The following COL11A1 variants were observed in gnomAD, a reference collection of about 807,000 sequenced individuals.
COL11A1 encodes collagen alpha-1(XI) chain.
In COL11A1, 74 loss-of-function variants were observed where a neutral mutation model predicts 265.2. The observed-to-expected ratio is 0.28, with a 90% CI of 0.23 to 0.34. The LOEUF (loss-of-function observed/expected upper bound fraction) is 0.34. Among genes scored for constraint, COL11A1 ranks in the 10% least tolerant of loss-of-function variants. COL11A1 has a pLI of 1.00. For missense variants in COL11A1, 2,165 were observed against 2,263.6 expected (o/e 0.96, Z 0.88); for synonymous variants, 816 against 727.6 (o/e 1.12, Z -1.96).
chr1:102,936,509 A>G (rs1168366753), intron 44 of COL11A1, among the ~76,000 whole-genome samples: 1 of 152,154 alleles, frequency 6.6e-6, no homozygotes, highest in Non-Finnish European at 1.5e-5. Context: ...AACTGACAGT[A>G]TTTACTGTCA....
At position 102,978,768 on chromosome 1, in the gene COL11A1, G is replaced by A; in HGVS notation, c.2710-16C>T. On this transcript the variant is annotated splice_polypyrimidine_tract_variant and intron_variant, in intron 34 of 66. Coordinates refer to ENST00000370096, the MANE Select transcript of COL11A1 (RefSeq NM_001854.4). ...CTGAAGTGCCCTGGCACCAAGAAAA[G>A]AAAAGAAAAATCAGTTTGAATTCTT... The A allele has an allele frequency of 6.2e-7, 1 of 1,614,076 alleles. No homozygotes were observed. Among genetic ancestry groups the A allele is most frequent in the Non-Finnish European group, 8.5e-7 (1 of 1,179,988 alleles).
intron 41 of COL11A1, among the ~76,000 whole-genome samples, chr1:102,954,671 C>A (rs2101504384): frequency 6.6e-6 from 1 of 152,040 alleles, no homozygotes; most frequent in Admixed American, 6.6e-5. Flanking sequence ...ATAGTGAAAC[C>A]CCGTTTCTAC....
intron 30 of COL11A1, among the ~76,000 whole-genome samples, chr1:102,987,134 G>C (rs777780332): frequency 1.3e-5 from 2 of 151,978 alleles, no homozygotes; most frequent in Non-Finnish European, 2.9e-5. Flanking sequence ...GGAGGGCATA[G>C]AAGACTAGAA....
At chr1:103,001,608 AAAT>A (rs1337974525) in intron 24 of COL11A1, 1 of 457,606 alleles carries the variant, frequency 2.2e-6, no homozygotes, top group Non-Finnish European at 3.8e-6. Context: ...CTTTTTTGTA[AAAT>A]AATGAGAAAG....
At chr1:102,922,252 G>C (rs906502144) in intron 47 of COL11A1, among the ~76,000 whole-genome samples, 1 of 152,130 alleles carries the variant, frequency 6.6e-6, no homozygotes, top group Non-Finnish European at 1.5e-5. Context: ...TAATGCCATG[G>C]TTGAAAAGCT....
At chr1:103,017,977 T>TATAAAA in intron 10 of COL11A1, 95 bp from the exon 11 acceptor site, 2 of 1,034,804 alleles carry the variant, frequency 1.9e-6, no homozygotes, top group Non-Finnish European at 3.0e-6. Flanking sequence ...CGTTTATATT[T>TATAAAA]TATAAATATA....
At chr1:103,041,686 C>T (rs1314852409) in intron 4 of COL11A1, among the ~76,000 whole-genome samples, 1 of 151,558 alleles carries the variant, frequency 6.6e-6, no homozygotes, top group Non-Finnish European at 1.5e-5. Flanking sequence ...AATCAGCATA[C>T]CTTTATTTTT....
At chr1:103,093,728 G>A (rs770880221) in intron 1 of COL11A1, among the ~76,000 whole-genome samples, 18 of 152,182 alleles carry the variant, frequency 1.2e-4, no homozygotes, top group African/African-American at 3.4e-4. Context: ...GTAATAAACC[G>A]CCTTTTAAAG....
intron 4 of COL11A1, among the ~76,000 whole-genome samples, chr1:103,064,243 C>G (rs1670898140): frequency 6.6e-6 from 1 of 152,118 alleles, no homozygotes. Flanking sequence ...TACATGAAAA[C>G]TGCACATAAT....
At chr1:103,088,317 T>C (rs1227707350) in intron 1 of COL11A1, among the ~76,000 whole-genome samples, 1 of 151,736 alleles carries the variant, frequency 6.6e-6, no homozygotes, top group African/African-American at 2.4e-5. Flanking sequence ...ATCAGTACAA[T>C]GAGAATAACA....
At position 103,006,518 on chromosome 1, in the gene COL11A1, A is replaced by C. The variant is rs565974376; in HGVS notation, c.1684-203T>G. ...TCAAATAAATACCTATTTTTTCTAA[A>C]TGGCTCCATTTTTTTTTTTTTTTTT... On this transcript the variant is annotated intron_variant, in intron 15 of 66. Coordinates refer to ENST00000370096, the MANE Select transcript of COL11A1 (RefSeq NM_001854.4). 1.1e-4 allele frequency among the ~76,000 whole-genome samples: 16 copies of C among 142,512 alleles called. No individual in the cohort carries two copies. In the South Asian group the frequency reaches 2.1e-3, roughly 19 times the overall value. The allele number at this position is 142,512 out of a possible 152,430, so 93.5% of individuals were successfully genotyped here. A position where few individuals can be genotyped will look rare whatever the true frequency, so the allele number is the denominator to read the frequency against.
At chr1:103,048,075 G>A (rs962811991) in intron 4 of COL11A1, among the ~76,000 whole-genome samples, 1 of 152,098 alleles carries the variant, frequency 6.6e-6, no homozygotes, top group Non-Finnish European at 1.5e-5. Flanking sequence ...ATTTTTGATT[G>A]TGTCTCTGCC....
At chr1:103,031,570 C>G (rs1169604155) in intron 4 of COL11A1, among the ~76,000 whole-genome samples, 1 of 151,812 alleles carries the variant, frequency 6.6e-6, no homozygotes, top group African/African-American at 2.4e-5. Context: ...GAGCAAAAGG[C>G]TAATTTTAAA....
intron 46 of COL11A1, among the ~76,000 whole-genome samples, chr1:102,925,767 G>C (rs1040453127): frequency 1.3e-5 from 2 of 152,000 alleles, no homozygotes; most frequent in Non-Finnish European, 2.9e-5. Flanking sequence ...TCTTAAACAT[G>C]CATGTATATT....
At chr1:102,944,563 C>T (rs1659056244) in intron 42 of COL11A1, among the ~76,000 whole-genome samples, 1 of 152,122 alleles carries the variant, frequency 6.6e-6, no homozygotes, top group African/African-American at 2.4e-5. Flanking sequence ...ACCAACAAAA[C>T]TCAGGCCTGA....
At chr1:103,074,104 G>C (rs761628249) in intron 4 of COL11A1, among the ~76,000 whole-genome samples, 1 of 151,928 alleles carries the variant, frequency 6.6e-6, no homozygotes, top group Non-Finnish European at 1.5e-5. Context: ...ATCATAATTA[G>C]TGAAATATAA....
chr1:102,882,259 A>C (rs1366832672), intron 64 of COL11A1, among the ~76,000 whole-genome samples: 1 of 152,212 alleles, frequency 6.6e-6, no homozygotes, highest in African/African-American at 2.4e-5. Context: ...TAGAATATTT[A>C]GAATCTTATA....
At chr1:103,089,676 G>C (rs576361991) in intron 1 of COL11A1, among the ~76,000 whole-genome samples, 83 of 152,294 alleles carry the variant, frequency 5.4e-4, no homozygotes, top group Non-Finnish European at 9.8e-4. Context: ...ATGTTTAATG[G>C]ATGAATAAAT....
At chr1:102,964,587 G>GGTGTGTGT (rs10627254) in intron 38 of COL11A1, among the ~76,000 whole-genome samples, 1,822 of 149,510 alleles carry the variant, frequency 0.012, 15 homozygotes, top group Middle Eastern at 0.045. Flanking sequence ...TTTCTCTAGG[G>GGTGTGTGT]GTGTGTGTGT....
Sources: gnomAD v4.1 joint callset for allele counts (sites outside exome capture counted in the v4.1 genomes callset) on GRCh38, gnomAD v4.1.1 for gene constraint, MANE v1.5 for transcripts, NCBI Gene and HGNC (gene_info 2026-07-23, HGNC 2026-07-21) for gene names.